Variants in TRIM34 observed in about 807,000 individuals in gnomAD.
TRIM34 encodes tripartite motif containing 34.
TRIM34 carries 41 observed loss-of-function variants against 38.1 expected under a neutral mutation model. The ratio of observed to expected loss-of-function variants is 1.08; its 90% CI spans 0.84 to 1.40. The LOEUF is 1.40. Among genes scored for constraint, TRIM34 ranks in the 40% most tolerant of loss-of-function variants. TRIM34 has a pLI of 0.00. For missense variants in TRIM34, 556 were observed against 571.4 expected (o/e 0.97, Z 0.27); for synonymous variants, 200 against 202.5 (o/e 0.99, Z 0.10).
intron 2 of TRIM34, 39 bp downstream of exon 2, chr11:5,632,793 T>G (rs1203786625): frequency 8.6e-6 from 13 of 1,509,244 alleles, no homozygotes; most frequent in African/African-American, 1.4e-5. Context: ...CAGAAGATGG[T>G]AGTTGGTGGA....
chr11:5,620,658 T>C (rs889666764), upstream of TRIM34, among the ~76,000 whole-genome samples: 1 of 152,220 alleles, frequency 6.6e-6, no homozygotes, highest in Non-Finnish European at 1.5e-5. Flanking sequence ...TCTCCATTTT[T>C]CAGGTTATGG....
chr11:5,643,578 T>C lies in TRIM34; in HGVS notation c.1336T>C (p.Phe446Leu). ...CGACTATGAAGCAGGCATTGTCTCATTTTTCAATGTCACAAGCCATGGCTC... is the reference window on the plus strand; with the variant it reads ...CGACTATGAAGCAGGCATTGTCTCACTTTTCAATGTCACAAGCCATGGCTC... ...FLDYEAGIVS[F>L]FNVTSHGSLI... is the part of the protein sequence containing the mutation. The change falls in exon 8 of 8, where the codon TTT becomes CTT. Residue 446 changes from phenylalanine to leucine, a missense_variant. Physicochemically the swap from Phe to Leu is conservative, Grantham distance 22. Coordinates refer to ENST00000429814, the MANE Select transcript of TRIM34 (RefSeq NM_021616.6). 6.2e-7 allele frequency: 1 copy of C among 1,614,142 alleles called. No homozygotes were observed. The highest frequency in any genetic ancestry group is 8.5e-7 in the Non-Finnish European group (1 of 1,179,986).
chr11:5,622,597 G>A (rs1013603868), upstream of TRIM34, among the ~76,000 whole-genome samples: 1 of 151,664 alleles, frequency 6.6e-6, no homozygotes, highest in African/African-American at 2.4e-5. Flanking sequence ...CAGTCTGGGC[G>A]ACAAGAACGA....
chr11:5,641,079 C>A, intron 4 of TRIM34, 88 bp from the exon 5 acceptor site: 2 of 1,459,028 alleles, frequency 1.4e-6, no homozygotes, highest in African/African-American at 1.4e-5. Flanking sequence ...CTGATTTTTC[C>A]ATTTTTTTTC....
chr11:5,620,167 CTTTTTTTTTTTTTTTTT>C (rs60013395), upstream of TRIM34: 1 of 72,772 alleles, frequency 1.4e-5, no homozygotes, highest in Admixed American at 2.5e-4. Flanking sequence ...TTTCTTTCTT[CTTTTTTTTTTTTTTTTT>C]TTTTTTTTGT....
In TRIM34 at chr11:5,643,572, G is replaced by T; in HGVS notation, c.1330G>T (p.Val444Phe). The change falls in exon 8 of 8, where the codon GTC becomes TTC. Residue 444 changes from valine (V) to phenylalanine (F), a missense_variant. Physicochemically the swap from Val to Phe is conservative, Grantham distance 50. Transcript: ENST00000429814. ...GVFLDYEAGIVSFFNVTSHGS... is the reference protein window; with the variant it reads ...GVFLDYEAGIFSFFNVTSHGS... Reference sequence around the variant, plus strand: ...TTTCCTCGACTATGAAGCAGGCATTGTCTCATTTTTCAATGTCACAAGCCA... The same window carrying T: ...TTTCCTCGACTATGAAGCAGGCATTTTCTCATTTTTCAATGTCACAAGCCA... The T allele has an allele frequency of 1.9e-6, 3 of 1,614,138 alleles. No individual in the cohort carries two copies. Among genetic ancestry groups the T allele is most frequent in the Non-Finnish European group, 2.5e-6 (3 of 1,180,028 alleles).
At chr11:5,634,530 C>CACACACACACACACACACACATAT (rs1491498839) in intron 3 of TRIM34, 101 bp from the exon 4 acceptor site, 17 of 262,034 alleles carry the variant, frequency 6.5e-5, no homozygotes, top group African/African-American at 5.3e-4. Flanking sequence ...CACACACACA[C>CACACACACACACACACACACATAT]ATATATATAT....
intron 1 of TRIM34, among the ~76,000 whole-genome samples, chr11:5,631,708 A>G (rs1849487524): frequency 6.6e-6 from 1 of 152,154 alleles, no homozygotes; most frequent in Non-Finnish European, 1.5e-5. Flanking sequence ...TAATGGAAGG[A>G]AGATAATGAA....
Position 5,644,024 on chromosome 11 carries a change from A to C in TRIM34, c.*315A>C. The stretch of plus-strand genomic sequence containing the variant: ...AGAGGCCCAAAGCCTGTTAGCCACC[A>C]TCCATGCTACCTAGGTAGTCCATAG... On this transcript the variant is annotated 3_prime_UTR_variant, in exon 8 of 8. Coordinates refer to ENST00000429814, the MANE Select transcript of TRIM34 (RefSeq NM_021616.6). 2.2e-6 allele frequency: 1 copy of C among 453,486 alleles called. No homozygotes were observed. The highest frequency in any genetic ancestry group is 3.8e-6 in the Non-Finnish European group (1 of 262,448). The allele number at this position is 453,486 out of a possible 1,614,324, so 28.1% of individuals were successfully genotyped here.
upstream of TRIM34, among the ~76,000 whole-genome samples, chr11:5,620,503 GC>G (rs916205293): frequency 2.0e-5 from 3 of 152,052 alleles, no homozygotes; most frequent in African/African-American, 7.2e-5. Flanking sequence ...GTCCAGCCAA[GC>G]TTTTTTTCTC....
chr11:5,640,613 C>T (rs995919291), intron 4 of TRIM34, among the ~76,000 whole-genome samples: 13 of 152,084 alleles, frequency 8.5e-5, no homozygotes, highest in African/African-American at 3.1e-4. Flanking sequence ...CTTGTGATGT[C>T]TTTGGTTCTT....
intron 1 of TRIM34, among the ~76,000 whole-genome samples, chr11:5,627,912 T>G (rs1789360644): frequency 6.6e-6 from 1 of 152,188 alleles, no homozygotes; most frequent in Non-Finnish European, 1.5e-5. Context: ...AGACTTAAAG[T>G]TTGCATTATC....
intron 4 of TRIM34, among the ~76,000 whole-genome samples, chr11:5,639,696 AAAAAAAAAAAAG>A (rs1392141308): frequency 2.7e-5 from 4 of 149,972 alleles, no homozygotes; most frequent in African/African-American, 7.3e-5. Context: ...AAAAAAAAAA[AAAAAAAAAAAAG>A]ATTGGAAGAG....
chr11:5,630,495 C>T (rs1488266250), intron 1 of TRIM34, among the ~76,000 whole-genome samples: 2 of 152,140 alleles, frequency 1.3e-5, no homozygotes, highest in African/African-American at 2.4e-5. Context: ...TCATGTGAGG[C>T]CAAGGCCTAG....
intron 4 of TRIM34, among the ~76,000 whole-genome samples, chr11:5,635,789 C>CT (rs900094273): frequency 1.3e-5 from 2 of 151,988 alleles, no homozygotes; most frequent in South Asian, 2.1e-4. Context: ...CTTTTGTCTT[C>CT]TTTTTTTGTT....
chr11:5,640,341 A>G (rs760242989), intron 4 of TRIM34, among the ~76,000 whole-genome samples: 14 of 151,942 alleles, frequency 9.2e-5, no homozygotes, highest in Admixed American at 2.0e-4. Context: ...TTTTTTTATG[A>G]AAGTGTGCTG....
At chr11:5,634,892 G>A in intron 4 of TRIM34, 31 bp downstream of exon 4, 1 of 1,601,676 alleles carries the variant, frequency 6.2e-7, no homozygotes, top group Non-Finnish European at 8.5e-7. Flanking sequence ...TGAGATTCTG[G>A]GAACACAGTT....
At chr11:5,623,139 G>A (rs1329923105), upstream of TRIM34, among the ~76,000 whole-genome samples, 3 of 110,084 alleles carry the variant, frequency 2.7e-5, no homozygotes, top group Non-Finnish European at 5.6e-5. Flanking sequence ...CTTAGTAGCT[G>A]TCTTTTTTTG....
At chr11:5,623,266 T>C (rs1279079948), upstream of TRIM34, among the ~76,000 whole-genome samples, 3 of 152,050 alleles carry the variant, frequency 2.0e-5, no homozygotes, top group Non-Finnish European at 4.4e-5. Flanking sequence ...AATGTATTAG[T>C]TACCAATATT....
Sources: gnomAD v4.1 joint callset for allele counts (sites outside exome capture counted in the v4.1 genomes callset) on GRCh38, gnomAD v4.1.1 for gene constraint, MANE v1.5 for transcripts, NCBI Gene and HGNC (gene_info 2026-07-23, HGNC 2026-07-21) for gene names.